BCL2: variants seen among roughly 807,000 people sequenced by gnomAD.
BCL2 encodes apoptosis regulator Bcl-2.
In BCL2, 1 loss-of-function variant was observed where a neutral mutation model predicts 14.2. That is an observed-to-expected ratio of 0.07 (90% CI 0.02 to 0.33). The LOEUF (loss-of-function observed/expected upper bound fraction) is 0.33. Ranked by LOEUF, BCL2 falls within the 10% of genes least tolerant of loss-of-function variation. The pLI is 0.99. For synonymous variants in BCL2, 151 were observed against 137.2 expected (o/e 1.10, Z -0.70); for missense variants, 247 against 305.9 (o/e 0.81, Z 1.44).
chr18:63,171,137 A>G (rs1915211474), intron 2 of BCL2, among the ~76,000 whole-genome samples: 3 of 152,266 alleles, frequency 2.0e-5, no homozygotes, highest in Admixed American at 2.0e-4. Flanking sequence ...GCTTTGCCTA[A>G]GTATTCATAA....
intron 2 of BCL2, among the ~76,000 whole-genome samples, chr18:63,284,071 C>T (rs550648829): frequency 5.9e-5 from 9 of 152,156 alleles, no homozygotes; most frequent in African/African-American, 1.7e-4. Flanking sequence ...TGTCCCTGAG[C>T]GCGCTGACGA....
intron 2 of BCL2, among the ~76,000 whole-genome samples, chr18:63,181,833 T>A (rs184255018): frequency 9.8e-4 from 149 of 152,306 alleles, no homozygotes; most frequent in African/African-American, 3.4e-3. Flanking sequence ...GTCTGTCTGA[T>A]GGGAAGGGCA....
intron 2 of BCL2, among the ~76,000 whole-genome samples, chr18:63,277,149 G>A (rs1912176611): frequency 6.6e-6 from 1 of 151,926 alleles, no homozygotes; most frequent in South Asian, 2.1e-4. Context: ...AGATCCACAG[G>A]GCTCCTTCGT....
At chr18:63,167,416 G>A (rs902200829) in intron 2 of BCL2, among the ~76,000 whole-genome samples, 2 of 152,166 alleles carry the variant, frequency 1.3e-5, no homozygotes, top group African/African-American at 4.8e-5. Context: ...TAGCTACCAA[G>A]GATCATTTTG....
chr18:63,274,477 G>C (rs559908354), intron 2 of BCL2, among the ~76,000 whole-genome samples: 4 of 151,706 alleles, frequency 2.6e-5, no homozygotes, highest in African/African-American at 9.7e-5. Flanking sequence ...TAGAGACAGG[G>C]TTTCACCATG....
intron 2 of BCL2, among the ~76,000 whole-genome samples, chr18:63,172,621 A>G (rs1915249833): frequency 6.6e-6 from 1 of 152,116 alleles, no homozygotes. Context: ...CTCTACTAAA[A>G]ATATAAAAAA....
chr18:63,236,621 A>T (rs969137328), intron 2 of BCL2, among the ~76,000 whole-genome samples: 3 of 152,252 alleles, frequency 2.0e-5, no homozygotes, highest in African/African-American at 7.2e-5. Context: ...GGAAGAAACC[A>T]GACTGCTCCA....
intron 2 of BCL2, among the ~76,000 whole-genome samples, chr18:63,300,655 C>T (rs534314840): frequency 6.6e-6 from 1 of 152,268 alleles, no homozygotes; most frequent in South Asian, 2.1e-4. Context: ...TTTCCCTGAA[C>T]TCTTTGACTC....
At chr18:63,308,465 T>C (rs1187765689) in intron 2 of BCL2, among the ~76,000 whole-genome samples, 2 of 152,180 alleles carry the variant, frequency 1.3e-5, no homozygotes, top group Non-Finnish European at 2.9e-5. Flanking sequence ...AGGCTTGAGA[T>C]GTGAAACAAA....
intron 2 of BCL2, among the ~76,000 whole-genome samples, chr18:63,222,347 A>C (rs1910420863): frequency 6.6e-6 from 1 of 151,794 alleles, no homozygotes. Flanking sequence ...AAAATATCTG[A>C]GGTTGAACTG....
chr18:63,156,628 C>T (rs1914790251), intron 2 of BCL2, among the ~76,000 whole-genome samples: 2 of 152,194 alleles, frequency 1.3e-5, no homozygotes, highest in South Asian at 4.1e-4. Context: ...GTCCACCTCC[C>T]CCGTCCACCT....
chr18:63,140,061 T>C (rs1914315214), intron 2 of BCL2, among the ~76,000 whole-genome samples: 1 of 152,372 alleles, frequency 6.6e-6, no homozygotes, highest in South Asian at 2.1e-4. Flanking sequence ...TGCTTCACTA[T>C]CATTAGTCAT....
chr18:63,289,346 G>C (rs145270116), intron 2 of BCL2, among the ~76,000 whole-genome samples: 1 of 152,298 alleles, frequency 6.6e-6, no homozygotes, highest in East Asian at 1.9e-4. Context: ...CAGGGATACT[G>C]TCATCCTGAA....
chr18:63,230,197 T>C lies in BCL2; in HGVS notation c.585+87885A>G, dbSNP rs148834018. 9.7e-4 allele frequency among the ~76,000 whole-genome samples: 148 copies of C among 152,186 alleles called. 1 individual carries two copies. The East Asian group carries it at 0.025, about 26-fold the overall frequency. On this transcript the variant is annotated intron_variant, in intron 2 of 2. Coordinates refer to ENST00000333681, the MANE Select transcript of BCL2 (RefSeq NM_000633.3). ...CTTCAACCAAAATACAATAAAAAAA[T>C]TGAGATAGATAAAACCACAATCCCT...
intron 2 of BCL2, among the ~76,000 whole-genome samples, chr18:63,196,437 A>G (rs137991111): frequency 6.6e-6 from 1 of 152,326 alleles, no homozygotes; most frequent in African/African-American, 2.4e-5. Flanking sequence ...GAGTTTAGCT[A>G]GGTAACTTAG....
intron 2 of BCL2, among the ~76,000 whole-genome samples, chr18:63,133,319 A>ATTTTTTTTTTTTTTT (rs34022610): frequency 9.7e-6 from 1 of 103,380 alleles, no homozygotes; most frequent in Non-Finnish European, 1.9e-5. Flanking sequence ...ACCTTCAAGA[A>ATTTTTTTTTTTTTTT]TTTTTTTTTT....
At chr18:63,167,577 T>G (rs1195624876) in intron 2 of BCL2, among the ~76,000 whole-genome samples, 1 of 152,016 alleles carries the variant, frequency 6.6e-6, no homozygotes, top group Non-Finnish European at 1.5e-5. Context: ...CCTAAGAGTT[T>G]GAAACCAGCC....
intron 2 of BCL2, among the ~76,000 whole-genome samples, chr18:63,137,014 T>C (rs1200872706): frequency 6.6e-6 from 1 of 152,236 alleles, no homozygotes; most frequent in Non-Finnish European, 1.5e-5. Flanking sequence ...TGATTTCCAG[T>C]CTGATCTCTC....
At chr18:63,160,691 G>C (rs1049479292) in intron 2 of BCL2, among the ~76,000 whole-genome samples, 2 of 152,158 alleles carry the variant, frequency 1.3e-5, no homozygotes, top group Admixed American at 1.3e-4. Flanking sequence ...GTTATTTTTA[G>C]GTCCCTCCAA....
Sources: gnomAD v4.1 joint callset for allele counts (sites outside exome capture counted in the v4.1 genomes callset) on GRCh38, gnomAD v4.1.1 for gene constraint, MANE v1.5 for transcripts, NCBI Gene and HGNC (gene_info 2026-07-23, HGNC 2026-07-21) for gene names.